Variants in FASTKD1 observed in about 807,000 individuals in gnomAD.
FASTKD1 encodes the protein FAST kinase domain-containing protein 1, mitochondrial.
In FASTKD1, 94 loss-of-function variants were observed where a neutral mutation model predicts 90.9. The ratio of observed to expected loss-of-function variants is 1.03; its 90% CI spans 0.88 to 1.23. The LOEUF is 1.23. Among genes scored for constraint, FASTKD1 ranks in the 50% most tolerant of loss-of-function variants. FASTKD1 has a pLI of 0.00. For synonymous variants in FASTKD1, 319 were observed against 345.8 expected (o/e 0.92, Z 0.86); for missense variants, 945 against 993.5 (o/e 0.95, Z 0.66).
intron 13 of FASTKD1, 157 bp from the exon 14 acceptor site, chr2:169,530,858 T>C (rs1474840220): frequency 1.5e-6 from 1 of 651,164 alleles, no homozygotes; most frequent in African/African-American, 1.8e-5. Context: ...AATTAGTAAT[T>C]GATGACAAAC....
chr2:169,563,483 T>A, intron 3 of FASTKD1, 133 bp from the exon 4 acceptor site: 1 of 533,776 alleles, frequency 1.9e-6, no homozygotes, highest in Non-Finnish European at 2.8e-6. Flanking sequence ...GTTATTATTA[T>A]AAAAGTAACA....
chr2:169,557,754 T>C (rs1316035422), intron 5 of FASTKD1, among the ~76,000 whole-genome samples: 1 of 152,208 alleles, frequency 6.6e-6, no homozygotes, highest in Non-Finnish European at 1.5e-5. Flanking sequence ...AAGCACTTGA[T>C]ATAACAGTAT....
rs184055111 is a variant in FASTKD1, at chr2:169,534,854, G to T, written c.2188+2373C>A. Among the ~76,000 whole-genome samples the T allele has an allele frequency of 3.3e-5, 5 of 151,274 alleles. No individual in the cohort carries two copies. The East Asian group carries it at 5.8e-4, about 18-fold the overall frequency. ...AAACACTACAGAAGAAAACCTTTTT[G>T]TCTTTTTTTTTTTTAAGTTAGGAAA... On this transcript the variant is annotated intron_variant, in intron 12 of 14. Coordinates refer to ENST00000453153, the MANE Select transcript of FASTKD1 (RefSeq NM_024622.6).
At chr2:169,554,892 C>T (rs1160515457) in intron 7 of FASTKD1, among the ~76,000 whole-genome samples, 1 of 152,166 alleles carries the variant, frequency 6.6e-6, no homozygotes, top group Non-Finnish European at 1.5e-5. Context: ...CAGTTTATTG[C>T]CATTCCTCCC....
At chr2:169,537,149 A>C (rs962162885) in intron 12 of FASTKD1, 78 bp downstream of exon 12, 4 of 922,448 alleles carry the variant, frequency 4.3e-6, no homozygotes, top group Non-Finnish European at 5.1e-6. Flanking sequence ...AACTTTAAAA[A>C]ATTCCAACTG....
chr2:169,560,378 T>C lies in FASTKD1; in HGVS notation c.971+9A>G, dbSNP rs765174296. On this transcript the variant is annotated intron_variant, in intron 5 of 14. Coordinates refer to ENST00000453153, the MANE Select transcript of FASTKD1 (RefSeq NM_024622.6). ...ACAAAAAAAGTAATGCATTTTAAAC[T>C]GAACTTACTGTTTCTTTTCTTCAGG... The C allele has an allele frequency of 1.0e-4, 158 of 1,524,122 alleles. No homozygotes were observed. Among genetic ancestry groups the C allele is most frequent in the Non-Finnish European group, 1.3e-4 (149 of 1,144,752 alleles). The allele number at this position is 1,524,122 out of a possible 1,614,324, so 94.4% of individuals were successfully genotyped here.
chr2:169,548,958 A>G (rs937677195), intron 7 of FASTKD1, among the ~76,000 whole-genome samples: 24 of 150,856 alleles, frequency 1.6e-4, no homozygotes, highest in South Asian at 4.2e-4. Context: ...TTAGCCGGGC[A>G]TGGTGGTGGG....
At chr2:169,563,073 T>C (rs749992127) in intron 4 of FASTKD1, 152 bp downstream of exon 4, 11 of 649,216 alleles carry the variant, frequency 1.7e-5, no homozygotes, top group Non-Finnish European at 2.6e-5. Flanking sequence ...AAAGTAGCTA[T>C]TACTATCCCT....
intron 12 of FASTKD1, among the ~76,000 whole-genome samples, chr2:169,532,382 G>C (rs1684526736): frequency 6.8e-6 from 1 of 147,034 alleles, no homozygotes; most frequent in Non-Finnish European, 1.5e-5. Context: ...CTGCACCTCA[G>C]CCTAGGCAGC....
intron 4 of FASTKD1, among the ~76,000 whole-genome samples, chr2:169,561,770 G>GTAAATTATTTATTAATTTATTA (rs1683630911): frequency 6.0e-5 from 3 of 49,878 alleles, no homozygotes; most frequent in Non-Finnish European, 9.6e-5. Context: ...TTAATTTATT[G>GTAAATTATTTATTAATTTATTA]TAAATTATTT....
At position 169,530,699 on chromosome 2, in the gene FASTKD1, A is replaced by G. The variant is rs1396863029; in HGVS notation, c.2330T>C (p.Ile777Thr). 6.6e-7 allele frequency: 1 copy of G among 1,526,672 alleles called. No individual in the cohort carries two copies. Among genetic ancestry groups the G allele is most frequent in the Non-Finnish European group, 8.9e-7 (1 of 1,117,820 alleles). 94.6% of individuals were successfully genotyped at this position (1,526,672 alleles called of 1,614,324 possible). A position where few individuals can be genotyped will look rare whatever the true frequency, so the allele number is the denominator to read the frequency against. ...GSRLPPGAER[I>T]ALEFLDSKAL... Reference sequence around the variant, plus strand: ...TTTTGAATCCAAAAATTCCAAAGCAATCCTACATAAAATAAAAAAATATTT... The same window carrying G: ...TTTTGAATCCAAAAATTCCAAAGCAGTCCTACATAAAATAAAAAAATATTT... Residue 777 changes from isoleucine to threonine, a missense_variant and splice_region_variant, in exon 14 of 15, where the codon ATT becomes ACT. Coordinates refer to ENST00000453153, the MANE Select transcript of FASTKD1 (RefSeq NM_024622.6).
chr2:169,531,645 A>G (rs1684499097), intron 12 of FASTKD1, 155 bp from the exon 13 acceptor site: 6 of 608,080 alleles, frequency 9.9e-6, no homozygotes, highest in Admixed American at 3.3e-5. Flanking sequence ...TTATTTTTAT[A>G]AGATCTGGTC....
intron 3 of FASTKD1, 75 bp from the exon 4 acceptor site, chr2:169,563,425 T>G: frequency 1.9e-6 from 2 of 1,073,350 alleles, no homozygotes; most frequent in Non-Finnish European, 2.5e-6. Flanking sequence ...AGTTATAAAA[T>G]TAAAAGCAAT....
chr2:169,557,740 T>C (rs910246344), intron 5 of FASTKD1, among the ~76,000 whole-genome samples: 1 of 152,220 alleles, frequency 6.6e-6, no homozygotes, highest in African/African-American at 2.4e-5. Flanking sequence ...AAATCTCATA[T>C]ACTAAGCACT....
intron 12 of FASTKD1, among the ~76,000 whole-genome samples, chr2:169,533,344 G>C (rs2105329114): frequency 6.6e-6 from 1 of 152,192 alleles, no homozygotes. Context: ...GAAAAACTCA[G>C]GCACTGAACC....
chr2:169,537,094 G>A (rs1409007260), intron 12 of FASTKD1, 133 bp downstream of exon 12: 9 of 553,562 alleles, frequency 1.6e-5, no homozygotes, highest in Admixed American at 6.5e-5. Flanking sequence ...TTCTATCTCC[G>A]TTTGAAAATT....
intron 2 of FASTKD1, among the ~76,000 whole-genome samples, chr2:169,570,586 T>C (rs1049045701): frequency 6.6e-6 from 1 of 152,106 alleles, no homozygotes; most frequent in Non-Finnish European, 1.5e-5. Context: ...CTAGAAAACA[T>C]ATGTGCCGTC....
chr2:169,558,817 G>A (rs1198778102), intron 5 of FASTKD1, among the ~76,000 whole-genome samples: 3 of 151,176 alleles, frequency 2.0e-5, no homozygotes, highest in Admixed American at 6.6e-5. Flanking sequence ...TCAAACTCCC[G>A]ACTTCAAGTG....
At chr2:169,560,836 ATTCT>A in intron 4 of FASTKD1, 51 bp from the exon 5 acceptor site, 6 of 755,004 alleles carry the variant, frequency 7.9e-6, no homozygotes, top group Middle Eastern at 3.3e-4. Context: ...AGAATGATCA[ATTCT>A]TTTTTTTTTT....
Sources: allele counts gnomAD v4.1 joint callset (sites outside exome capture counted in the v4.1 genomes callset), GRCh38; gene constraint gnomAD v4.1.1; transcripts MANE v1.5; gene names NCBI Gene and HGNC (gene_info 2026-07-23, HGNC 2026-07-21).